Variants in PLSCR3 observed in about 807,000 individuals in gnomAD.
PLSCR3 encodes phospholipid scramblase 3, also known as PL scramblase 3.
In PLSCR3, 17 loss-of-function variants were observed where a neutral mutation model predicts 33.7. The observed-to-expected ratio is 0.50, with a 90% CI of 0.35 to 0.76. The LOEUF is 0.76. Ranked by LOEUF, PLSCR3 falls within the 30% of genes least tolerant of loss-of-function variation. PLSCR3 has a pLI of 0.01. For synonymous variants in PLSCR3, 166 were observed against 166.0 expected, an observed-to-expected ratio of 1.00 and a Z score of 0.00; for missense variants, 360 against 394.1, an observed-to-expected ratio of 0.91 and a Z score of 0.73.
intron 5 of PLSCR3, 35 bp from the exon 6 acceptor site, chr17:7,392,987 G>C: frequency 6.3e-7 from 1 of 1,587,348 alleles, no homozygotes; most frequent in African/African-American, 1.3e-5. Context: ...CACTGCGGAG[G>C]CAGGGGTCCC....
In PLSCR3 at chr17:7,394,223, G is replaced by T; in HGVS notation, c.-113C>A. 2 of 1,051,790 alleles carry T rather than the reference G, an allele frequency of 1.9e-6. No homozygotes were observed. Among genetic ancestry groups the T allele is most frequent in the South Asian group, 1.5e-5 (1 of 68,328 alleles). The allele number at this position is 1,051,790 out of a possible 1,614,324, so 65.2% of individuals were successfully genotyped here. A position where few individuals can be genotyped will look rare whatever the true frequency, so the allele number is the denominator to read the frequency against. On this transcript the variant is annotated 5_prime_UTR_variant, in exon 2 of 8. Coordinates refer to ENST00000619711, the MANE Select transcript of PLSCR3 (RefSeq NM_020360.4). The surrounding 1 kb of genome is among the most constrained non-coding windows in gnomAD (Gnocchi z 5.3). Reference sequence around the variant, plus strand: ...ACAGAGACAGACACAAAGACGGAGAGGCAGCTGCGCCCGGCGCCGGCCCAG... The same window carrying T: ...ACAGAGACAGACACAAAGACGGAGATGCAGCTGCGCCCGGCGCCGGCCCAG...
rs759983478 is a variant in PLSCR3 at position 7,393,677 on chromosome 17, C to T, written c.167G>A (p.Gly56Asp). ...GGCAGCAGACCCCAAGGCCACGGGG[C>T]CAGGCGAGGGGAAGAGGGCGAAGCC... ...APGFALFPSP[G>D]PVALGSAAPF... Residue 56 changes from glycine (G) to aspartate (D), a missense_variant, in exon 3 of 8, where the codon GGC (glycine) becomes GAC (aspartate). Transcript: ENST00000619711. 3.1e-6 allele frequency: 5 copies of T among 1,596,330 alleles called. No individual in the cohort carries two copies. The African/African-American group carries it at 5.4e-5, about 17-fold the overall frequency.
rs1383460145 is a variant in PLSCR3 at position 7,390,483 on chromosome 17, G to A, written c.832-42C>T. On this transcript the variant is annotated intron_variant, in intron 7 of 7. Transcript: ENST00000619711. ...GTCAATGGGAGATCCGGCTGGGCCA[G>A]CCCAGCTTGGCTGTCACAGGCCAGC... The A allele has an allele frequency of 1.9e-6, 3 of 1,577,800 alleles. No homozygotes were observed. In the African/African-American group the frequency reaches 4.0e-5, roughly 21 times the overall value.
Position 7,393,271 on chromosome 17 carries a change from G to A in PLSCR3, c.380C>T (p.Ala127Val), listed in dbSNP as rs776364462. The A allele has an allele frequency of 1.2e-6, 2 of 1,606,520 alleles. No individual in the cohort carries two copies. The highest frequency in any genetic ancestry group is 1.7e-5 in the Admixed American group (1 of 59,876). Reference protein sequence around the residue: ...GQAAEESNCCARLCCGARRPL... With the variant: ...GQAAEESNCCVRLCCGARRPL... ...CCGGCGGGCGCCACAGCACAGACGG[G>A]CGCAGCAGTTGCTCTCCTCGGCCGC... The change falls in exon 5 of 8, where the codon GCC becomes GTC. Residue 127 changes from alanine to valine, a missense_variant. By Grantham distance (64) the Ala-to-Val change is moderately conservative. Coordinates refer to ENST00000619711, the MANE Select transcript of PLSCR3 (RefSeq NM_020360.4).
chr17:7,391,277 A>T lies in PLSCR3; in HGVS notation c.670-482T>A, dbSNP rs955832522. 6.6e-6 allele frequency among the ~76,000 whole-genome samples: 1 copy of T among 152,262 alleles called. No individual in the cohort carries two copies. Among genetic ancestry groups the T allele is most frequent in the Non-Finnish European group, 1.5e-5 (1 of 68,040 alleles). Reference sequence around the variant, plus strand: ...TTCACCAGTCAAGAAGGCTCCTAGAAGGCTATGTCTACCCCGAAGAGTACC... The same window carrying T: ...TTCACCAGTCAAGAAGGCTCCTAGATGGCTATGTCTACCCCGAAGAGTACC... On this transcript the variant is annotated intron_variant, in intron 6 of 7. Coordinates refer to ENST00000619711, the MANE Select transcript of PLSCR3 (RefSeq NM_020360.4). The surrounding 1 kb of genome is among the most constrained non-coding windows in gnomAD (Gnocchi z 4.1).
At chr17:7,393,101 G>GC (rs775479486) in intron 5 of PLSCR3, 43 bp downstream of exon 5, 16 of 1,438,404 alleles carry the variant, frequency 1.1e-5, no homozygotes, top group South Asian at 7.2e-5. Flanking sequence ...TCATTGTCCC[G>GC]CCCCACCAAG....
chr17:7,393,720 C>G lies in PLSCR3; in HGVS notation c.124G>C (p.Val42Leu), dbSNP rs1905937142. The part of the protein sequence containing the change: ...GPGQAPVPAQ[V>L]PAPAPGFALF... The stretch of plus-strand genomic sequence containing the variant: ...GCGAAGCCGGGAGCTGGGGCAGGTA[C>G]CTGGGCGGGCACTGGCGCCTGCCCG... Residue 42 changes from valine to leucine, a missense_variant, in exon 3 of 8, where the codon GTA (valine) becomes CTA (leucine). Transcript: ENST00000619711. 2.0e-6 allele frequency: 3 copies of G among 1,534,708 alleles called. No homozygotes were observed. Among genetic ancestry groups the G allele is most frequent in the Non-Finnish European group, 2.6e-6 (3 of 1,150,524 alleles).
Position 7,392,890 on chromosome 17 carries a change from G to C in PLSCR3, c.570C>G (p.Phe190Leu), listed in dbSNP as rs780245948. 3.1e-6 allele frequency: 5 copies of C among 1,614,112 alleles called. No individual in the cohort carries two copies. The East Asian group carries it at 1.1e-4, about 36-fold the overall frequency. Residue 190 changes from phenylalanine to leucine, a missense_variant, in exon 6 of 8, where the codon TTC becomes TTG. Phe to Leu is a conservative substitution (Grantham distance 22, BLOSUM62 0). Coordinates refer to ENST00000619711, the MANE Select transcript of PLSCR3 (RefSeq NM_020360.4). Reference sequence around the variant, plus strand: ...CATCCTGGATGGAGAACTTGGGGAGGAAGGGATGCCAGGTCTGTAGCACGT... The same window carrying C: ...CATCCTGGATGGAGAACTTGGGGAGCAAGGGATGCCAGGTCTGTAGCACGT... ...IGHVLQTWHPFLPKFSIQDAD... is the reference protein window; with the variant it reads ...IGHVLQTWHPLLPKFSIQDAD...
In PLSCR3 at chr17:7,394,009, A is replaced by C; in HGVS notation, c.7+95T>G. The C allele has an allele frequency of 6.8e-7, 1 of 1,479,060 alleles. No individual in the cohort carries two copies. Among genetic ancestry groups the C allele is most frequent in the Non-Finnish European group, 9.3e-7 (1 of 1,074,992 alleles). 91.6% of individuals were successfully genotyped at this position (1,479,060 alleles called of 1,614,324 possible). On this transcript the variant is annotated intron_variant, in intron 2 of 7. Coordinates refer to ENST00000619711, the MANE Select transcript of PLSCR3 (RefSeq NM_020360.4). The surrounding 1 kb of genome is among the most constrained non-coding windows in gnomAD (Gnocchi z 5.3). Reference sequence around the variant, plus strand: ...CGGAAGGAAGGGAGGGGCCCCACCCAGCCAGTCCGAGCACATTCCGGGAGG... The same window carrying C: ...CGGAAGGAAGGGAGGGGCCCCACCCCGCCAGTCCGAGCACATTCCGGGAGG...
At position 7,393,363 on chromosome 17, in the gene PLSCR3, C is replaced by T. The variant is rs1456240210; in HGVS notation, c.288G>A (p.Thr96=). 1 of 1,613,512 alleles carries T rather than the reference C, an allele frequency of 6.2e-7. No homozygotes were observed. The highest frequency in any genetic ancestry group is 8.5e-7 in the Non-Finnish European group (1 of 1,179,954). The change falls in exon 5 of 8, where the codon ACG becomes ACA. Residue 96 remains threonine (T), a splice_region_variant and synonymous_variant. Transcript: ENST00000619711. The part of the protein sequence containing the change: ...LIHQKAERVE[T]FLGWETCNRY... ...GATTACAGGTCTCCCAGCCTAGGAA[C>T]GCTGCCCGAGGTGACACGGGGAGAC...
Position 7,390,319 on chromosome 17 carries a change from G to T in PLSCR3, c.*66C>A. The T allele has an allele frequency of 8.0e-7, 1 of 1,254,796 alleles. No individual in the cohort carries two copies. The highest frequency in any genetic ancestry group is 1.1e-6 in the Non-Finnish European group (1 of 899,324). 77.7% of individuals were successfully genotyped at this position (1,254,796 alleles called of 1,614,324 possible). A position where few individuals can be genotyped will look rare whatever the true frequency, so the allele number is the denominator to read the frequency against. On this transcript the variant is annotated 3_prime_UTR_variant, in exon 8 of 8. Coordinates refer to ENST00000619711, the MANE Select transcript of PLSCR3 (RefSeq NM_020360.4). Reference sequence around the variant, plus strand: ...GGAGGAAAGGGGCTGCCCAGAGGAGGGGCCAGGGCAGGTGACCATCTGGAG... The same window carrying T: ...GGAGGAAAGGGGCTGCCCAGAGGAGTGGCCAGGGCAGGTGACCATCTGGAG...
rs868474795 is a variant in PLSCR3, at chr17:7,394,013, A to G, written c.7+91T>C. The G allele has an allele frequency of 2.7e-6, 4 of 1,492,466 alleles. No homozygotes were observed. The Middle Eastern group carries it at 7.6e-4, about 283-fold the overall frequency. 92.5% of individuals were successfully genotyped at this position (1,492,466 alleles called of 1,614,324 possible). ...AGGAAGGGAGGGGCCCCACCCAGCC[A>G]GTCCGAGCACATTCCGGGAGGATGT... On this transcript the variant is annotated intron_variant, in intron 2 of 7. Coordinates refer to ENST00000619711, the MANE Select transcript of PLSCR3 (RefSeq NM_020360.4). The surrounding 1 kb of genome is among the most constrained non-coding windows in gnomAD (Gnocchi z 5.3).
chr17:7,394,380 G>A lies in PLSCR3; in HGVS notation c.-158+97C>T, dbSNP rs990558939. On this transcript the variant is annotated intron_variant, in intron 1 of 7. Coordinates refer to ENST00000619711, the MANE Select transcript of PLSCR3 (RefSeq NM_020360.4). This position sits in a 1 kb window ranked among gnomAD's most constrained non-coding sequence, Gnocchi z 5.3. ...CCCTTTGTTCTCCCATCCTGCGGAG[G>A]AGGCTGTGGGCCGACGGCAGGACAG... 3 of 463,328 alleles carry A rather than the reference G, an allele frequency of 6.5e-6. No individual in the cohort carries two copies. Among genetic ancestry groups the A allele is most frequent in the African/African-American group, 2.0e-5 (1 of 50,694 alleles). 28.7% of individuals were successfully genotyped at this position (463,328 alleles called of 1,614,324 possible).
rs1272368305 is a variant in PLSCR3 at position 7,393,370 on chromosome 17, C to A, written c.287-6G>T. 2 of 1,613,566 alleles carry A rather than the reference C, an allele frequency of 1.2e-6. No homozygotes were observed. The highest frequency in any genetic ancestry group is 2.2e-5 in the South Asian group (2 of 91,080). On this transcript the variant is annotated splice_polypyrimidine_tract_variant and splice_region_variant and intron_variant, in intron 4 of 7. Transcript: ENST00000619711. ...GGTCTCCCAGCCTAGGAACGCTGCC[C>A]GAGGTGACACGGGGAGACTCGTAGA...
rs772081469 is a variant in PLSCR3, at chr17:7,390,419, C to A, written c.854G>T (p.Arg285Leu). 1 of 1,564,550 alleles carries A rather than the reference C, an allele frequency of 6.4e-7. No homozygotes were observed. The highest frequency in any genetic ancestry group is 1.4e-5 in the African/African-American group (1 of 73,598). ...FLIDYMFFEK[R>L]GGAGPSAVTS is the part of the protein sequence containing the mutation. ...GACGGCAGAGGGCCCAGCGCCTCCT[C>A]GCTTCTCAAAGAACATGTAGTCCTA... The change falls in exon 8 of 8, where the codon CGA becomes CTA. Residue 285 changes from arginine to leucine, a missense_variant. Transcript: ENST00000619711.
chr17:7,392,241 T>A (rs946045909), intron 6 of PLSCR3, among the ~76,000 whole-genome samples: 5 of 152,090 alleles, frequency 3.3e-5, no homozygotes, highest in Non-Finnish European at 5.9e-5. Flanking sequence ...GTGGAGTGCC[T>A]TTGTCTTCTA....
Position 7,391,251 on chromosome 17 carries a change from C to G in PLSCR3, c.670-456G>C, listed in dbSNP as rs1390264147. 6.6e-6 allele frequency among the ~76,000 whole-genome samples: 1 copy of G among 152,348 alleles called. No homozygotes were observed. Among genetic ancestry groups the G allele is most frequent in the East Asian group, 1.9e-4 (1 of 5,192 alleles). ...GAAAGCTACTGGAATTCTGGCTGTACTTCACCAGTCAAGAAGGCTCCTAGA... is the reference window on the plus strand; with the variant it reads ...GAAAGCTACTGGAATTCTGGCTGTAGTTCACCAGTCAAGAAGGCTCCTAGA... On this transcript the variant is annotated intron_variant, in intron 6 of 7. Coordinates refer to ENST00000619711, the MANE Select transcript of PLSCR3 (RefSeq NM_020360.4). The surrounding 1 kb of genome is among the most constrained non-coding windows in gnomAD (Gnocchi z 4.1).
chr17:7,393,405 G>C, intron 4 of PLSCR3, 41 bp from the exon 5 acceptor site: 1 of 1,612,240 alleles, frequency 6.2e-7, no homozygotes, highest in South Asian at 1.1e-5. Flanking sequence ...AGCCTCGCGC[G>C]CCCAGGAGCC....
In PLSCR3 at chr17:7,394,226, A is replaced by T; in HGVS notation, c.-116T>A. ...GAGACAGACACAAAGACGGAGAGGC[A>T]GCTGCGCCCGGCGCCGGCCCAGGGT... On this transcript the variant is annotated 5_prime_UTR_variant, in exon 2 of 8. Transcript: ENST00000619711. This position sits in a 1 kb window ranked among gnomAD's most constrained non-coding sequence, Gnocchi z 5.3. The T allele has an allele frequency of 9.8e-7, 1 of 1,019,044 alleles. No individual in the cohort carries two copies. The highest frequency in any genetic ancestry group is 1.5e-6 in the Non-Finnish European group (1 of 676,280). 63.1% of individuals were successfully genotyped at this position (1,019,044 alleles called of 1,614,324 possible). A position where few individuals can be genotyped will look rare whatever the true frequency, so the allele number is the denominator to read the frequency against.
Sources: gnomAD v4.1 joint callset for allele counts (sites outside exome capture counted in the v4.1 genomes callset) on GRCh38, gnomAD v4.1.1 for gene constraint, Gnocchi (gnomAD v3.1) non-coding constraint, MANE v1.5 for transcripts, NCBI Gene and HGNC (gene_info 2026-07-23, HGNC 2026-07-21) for gene names.